Variants in BRSK2 observed in about 807,000 individuals in gnomAD.
BRSK2 encodes serine/threonine-protein kinase BRSK2.
Under a neutral mutation model 83.3 loss-of-function variants are expected in BRSK2, and 19 were observed. The ratio of observed to expected loss-of-function variants is 0.23; its 90% confidence interval spans 0.16 to 0.33. BRSK2 has a LOEUF of 0.33. Among genes scored for constraint, BRSK2 ranks in the 10% least tolerant of loss-of-function variants. The pLI is 1.00. For synonymous variants in BRSK2, 519 were observed against 435.4 expected, an observed-to-expected ratio of 1.19 and a Z score of -2.39; for missense variants, 798 against 1,042.3, an observed-to-expected ratio of 0.77 and a Z score of 3.23.
At chr11:1,395,153 G>A (rs1038586819) in intron 1 of BRSK2, among the ~76,000 whole-genome samples, 1 of 152,184 alleles carries the variant, frequency 6.6e-6, no homozygotes, top group Non-Finnish European at 1.5e-5. Context: ...ATCAGGCCCT[G>A]GCCATCTGAC....
At chr11:1,445,159 G>A (rs1030874710) in intron 9 of BRSK2, 135 bp from the exon 10 acceptor site, 12 of 1,458,540 alleles carry the variant, frequency 8.2e-6, no homozygotes, top group East Asian at 6.8e-5. Context: ...CGGGCAGGAC[G>A]CAGGAGGCCT....
intron 12 of BRSK2, 74 bp from the exon 13 acceptor site, chr11:1,449,702 G>A: frequency 3.0e-6 from 4 of 1,353,120 alleles, no homozygotes; most frequent in South Asian, 1.3e-5. Flanking sequence ...GTTTACCTGG[G>A]GGGAGCAGAG....
At chr11:1,452,087 A>T (rs1376905273) in intron 15 of BRSK2, among the ~76,000 whole-genome samples, 1 of 152,198 alleles carries the variant, frequency 6.6e-6, no homozygotes, top group African/African-American at 2.4e-5. Context: ...ACCCCAGGCC[A>T]GGCAGCGGCA....
In BRSK2 at chr11:1,457,808, A is replaced by G. The variant is rs561117896; in HGVS notation, c.1939+1121A>G. Among the ~76,000 whole-genome samples, 692 of 150,726 alleles carry G rather than the reference A, an allele frequency of 4.6e-3. 4 individuals are homozygous for G. Among genetic ancestry groups the G allele is most frequent in the African/African-American group, 0.016 (659 of 41,134 alleles). On this transcript the variant is annotated intron_variant, in intron 18 of 19. Transcript: ENST00000528841. ...TGCCATCACCTGTGGGAGCCCCCCC[A>G]GAGTGTGCTTCACCTTGCTGCGGGC... is the stretch of plus-strand genomic sequence containing the variant.
intron 15 of BRSK2, 71 bp downstream of exon 15, chr11:1,451,490 TCCC>T (rs1845816697): frequency 1.3e-6 from 2 of 1,513,800 alleles, no homozygotes; most frequent in Admixed American, 3.3e-5. Flanking sequence ...ATGGAACCCT[TCCC>T]CTATGGCCAA....
intron 1 of BRSK2, among the ~76,000 whole-genome samples, chr11:1,418,285 C>T (rs886067345): frequency 9.3e-5 from 13 of 140,000 alleles, no homozygotes; most frequent in African/African-American, 3.1e-4. Context: ...GAGAGTGGGT[C>T]ACCTGTGTCC....
chr11:1,426,265 CGGGGATGTGTGTGGGGCGTGCTCT>C lies in BRSK2; in HGVS notation c.92-9725_92-9702del, dbSNP rs1564826655. ...CCGGGGATGTGTGTGGGGCGTGCTC[CGGGGATGTGTGTGGGGCGTGCTCT>C]GGGGATGTGTGTGGGGCGTGCTCTG... is the stretch of plus-strand genomic sequence containing the variant. On this transcript the variant is annotated intron_variant, in intron 1 of 19. Transcript: ENST00000528841. Among the ~76,000 whole-genome samples the C allele has an allele frequency of 1.6e-3, 97 of 60,532 alleles. 2 individuals are homozygous for C. The highest frequency in any genetic ancestry group is 0.013 in the South Asian group (21 of 1,578). The allele number at this position is 60,532 out of a possible 152,430, so 39.7% of individuals were successfully genotyped here.
In BRSK2 at chr11:1,454,727, G is replaced by A. The variant is rs1357289656; in HGVS notation, c.1668+119G>A. On this transcript the variant is annotated intron_variant, in intron 16 of 19. Transcript: ENST00000528841. The surrounding 1 kb of genome is among the most constrained non-coding windows in gnomAD (Gnocchi z 5.2). Reference sequence around the variant, plus strand: ...GTCCACGCGCACAGCACGGACGTCCGCTCACCCGTGGGCCTGCCTGGCCGC... The same window carrying A: ...GTCCACGCGCACAGCACGGACGTCCACTCACCCGTGGGCCTGCCTGGCCGC... 31 of 1,321,076 alleles carry A rather than the reference G, an allele frequency of 2.3e-5. No homozygotes were observed. The highest frequency in any genetic ancestry group is 4.3e-5 in the Admixed American group (2 of 46,496). 81.8% of individuals were successfully genotyped at this position (1,321,076 alleles called of 1,614,324 possible). A position where few individuals can be genotyped will look rare whatever the true frequency, so the allele number is the denominator to read the frequency against.
intron 1 of BRSK2, among the ~76,000 whole-genome samples, chr11:1,408,774 TGTGTTTGGC>T (rs1847098759): frequency 1.3e-5 from 1 of 75,860 alleles, no homozygotes; most frequent in African/African-American, 4.1e-5. Flanking sequence ...GGTGTGTGTG[TGTGTTTGGC>T]TGTGCAAGGG....
At chr11:1,416,587 T>C (rs1170238951) in intron 1 of BRSK2, among the ~76,000 whole-genome samples, 1 of 152,218 alleles carries the variant, frequency 6.6e-6, no homozygotes, top group African/African-American at 2.4e-5. Flanking sequence ...ATACTTTTGC[T>C]GAATGTAGAA....
chr11:1,411,731 C>A, intron 1 of BRSK2: 1 of 1,488,634 alleles, frequency 6.7e-7, no homozygotes, highest in South Asian at 1.2e-5. Context: ...GGGGACCTCG[C>A]CAGCACTGGT....
chr11:1,408,535 T>C (rs1847075698), intron 1 of BRSK2, among the ~76,000 whole-genome samples: 1 of 152,190 alleles, frequency 6.6e-6, no homozygotes, highest in Admixed American at 6.5e-5. Context: ...CTGAGTGCTA[T>C]GGCCACTCCT....
intron 1 of BRSK2, among the ~76,000 whole-genome samples, chr11:1,395,407 C>T (rs1846006464): frequency 6.6e-6 from 1 of 152,174 alleles, no homozygotes; most frequent in African/African-American, 2.4e-5. Context: ...GGGTGGAGGC[C>T]TCAAGATGCT....
At chr11:1,439,594 C>G (rs528325869) in intron 3 of BRSK2, among the ~76,000 whole-genome samples, 12 of 152,184 alleles carry the variant, frequency 7.9e-5, no homozygotes, top group Admixed American at 7.8e-4. Flanking sequence ...AGGAAAGAGC[C>G]CAGGAGGTGG....
At chr11:1,459,158 A>ACTCC in intron 18 of BRSK2, 34 bp from the exon 19 acceptor site, 1 of 1,602,560 alleles carries the variant, frequency 6.2e-7, no homozygotes. Flanking sequence ...CCTTTCACTC[A>ACTCC]CTCCCTCCCT....
rs1846662462 is a variant in BRSK2 at position 1,457,043 on chromosome 11, C to T, written c.1939+356C>T. ...CCAGCTACGAGAGTAGCCTCTGACGCTGGCAGGTAAGGCGCCCGGCCTGTG... is the reference window on the plus strand; with the variant it reads ...CCAGCTACGAGAGTAGCCTCTGACGTTGGCAGGTAAGGCGCCCGGCCTGTG... On this transcript the variant is annotated intron_variant, in intron 18 of 19. Transcript: ENST00000528841. The T allele has an allele frequency of 2.5e-6, 4 of 1,587,640 alleles. 1 individual carries two copies. The highest frequency in any genetic ancestry group is 2.2e-5 in the South Asian group (2 of 89,298).
At position 1,447,983 on chromosome 11, in the gene BRSK2, G is replaced by C. The variant is rs1007802673; in HGVS notation, c.1227-1793G>C. 4.6e-5 allele frequency: 47 copies of C among 1,018,498 alleles called. 1 individual carries two copies. The South Asian group carries it at 6.7e-4, about 14-fold the overall frequency. The allele number at this position is 1,018,498 out of a possible 1,614,324, so 63.1% of individuals were successfully genotyped here. A position where few individuals can be genotyped will look rare whatever the true frequency, so the allele number is the denominator to read the frequency against. On this transcript the variant is annotated intron_variant, in intron 12 of 19. Transcript: ENST00000528841. The stretch of plus-strand genomic sequence containing the variant: ...GCTGGGCTGCAGGGCTCCTGCTGCG[G>C]TGAAGCCAGCCAGCAAGCCAGGCAA...
chr11:1,433,869 C>T lies in BRSK2; in HGVS notation c.92-2171C>T, dbSNP rs11607069. 8.9e-3 allele frequency among the ~76,000 whole-genome samples: 1,363 copies of T among 152,338 alleles called. 14 individuals carry two copies. Among genetic ancestry groups the T allele is most frequent in the Middle Eastern group, 0.041 (12 of 294 alleles). ...TCTGTGCCCAGCCTGTGTCACTGCC[C>T]GGCCTGCAGCTCCCCCTGCCTCTGG... On this transcript the variant is annotated intron_variant, in intron 1 of 19. Transcript: ENST00000528841.
In BRSK2 at chr11:1,396,543, G is replaced by A. The variant is rs986255953; in HGVS notation, c.91+6168G>A. Among the ~76,000 whole-genome samples the A allele has an allele frequency of 4.6e-5, 7 of 152,366 alleles. No individual in the cohort carries two copies. In the East Asian group the frequency reaches 9.6e-4, roughly 21 times the overall value. ...GAGGGCAGGTCAGACCCCAGTCCCTGGGAACAGCCTGAGTGGGCTGTGCCT... is the reference window on the plus strand; with the variant it reads ...GAGGGCAGGTCAGACCCCAGTCCCTAGGAACAGCCTGAGTGGGCTGTGCCT... On this transcript the variant is annotated intron_variant, in intron 1 of 19. Transcript: ENST00000528841.
Sources: allele counts gnomAD v4.1 joint callset (sites outside exome capture counted in the v4.1 genomes callset), GRCh38; gene constraint gnomAD v4.1.1; non-coding constraint Gnocchi (gnomAD v3.1); transcripts MANE v1.5; gene names NCBI Gene and HGNC (gene_info 2026-07-23, HGNC 2026-07-21).